The following STAU2 variants were observed in gnomAD, a reference collection of about 807,000 sequenced individuals.
The protein encoded by STAU2 is double-stranded RNA-binding protein Staufen homolog 2.
Under a neutral mutation model 65.9 loss-of-function variants are expected in STAU2, and 20 were observed. The ratio of observed to expected loss-of-function variants is 0.30; its 90% confidence interval spans 0.21 to 0.44. The LOEUF is 0.44. Among genes scored for constraint, STAU2 ranks in the 20% least tolerant of loss-of-function variants. The pLI is 1.00. For missense variants in STAU2, 558 were observed against 683.9 expected, an observed-to-expected ratio of 0.82 and a Z score of 2.05; for synonymous variants, 232 against 233.9, an observed-to-expected ratio of 0.99 and a Z score of 0.07.
chr8:73,729,916 G>A (rs1805926023), intron 3 of STAU2, among the ~76,000 whole-genome samples: 1 of 152,098 alleles, frequency 6.6e-6, no homozygotes, highest in Admixed American at 6.5e-5. Context: ...ATACCTATCT[G>A]TGTTTTTTCT....
intron 13 of STAU2, among the ~76,000 whole-genome samples, chr8:73,472,518 T>G (rs1357402840): frequency 1.3e-5 from 2 of 152,190 alleles, no homozygotes; most frequent in Non-Finnish European, 2.9e-5. Flanking sequence ...ATAAAAAAAT[T>G]GATAAACGAG....
At chr8:73,566,756 T>C (rs549932360) in intron 12 of STAU2, among the ~76,000 whole-genome samples, 1 of 152,192 alleles carries the variant, frequency 6.6e-6, no homozygotes, top group African/African-American at 2.4e-5. Context: ...AGGTTGGACA[T>C]TCTCCAACCT....
rs543510017 is a variant in STAU2, at chr8:73,421,180, A to C, written c.*192T>G. 23 of 538,108 alleles carry C rather than the reference A, an allele frequency of 4.3e-5. No homozygotes were observed. In the East Asian group the frequency reaches 7.1e-4, roughly 17 times the overall value. 33.3% of individuals were successfully genotyped at this position (538,108 alleles called of 1,614,324 possible). A position where few individuals can be genotyped will look rare whatever the true frequency, so the allele number is the denominator to read the frequency against. On this transcript the variant is annotated 3_prime_UTR_variant, in exon 15 of 15. Coordinates refer to ENST00000524300, the MANE Select transcript of STAU2 (RefSeq NM_001164380.2). ...TGATCTGATCTCGAGTTCCAAGGGA[A>C]ATGCTCAAAGTTTTATTTTTCCCCA...
chr8:73,441,300 G>A (rs1020825818), intron 13 of STAU2: 5 of 152,200 alleles, frequency 3.3e-5, no homozygotes, highest in African/African-American at 1.2e-4. Flanking sequence ...AGCACTTTGG[G>A]AGGCTGAGGC....
chr8:73,729,536 T>G (rs1030234819), intron 3 of STAU2, among the ~76,000 whole-genome samples: 12 of 152,156 alleles, frequency 7.9e-5, no homozygotes, highest in Non-Finnish European at 1.5e-5. Flanking sequence ...AAATATTTGG[T>G]AGAATCCACC....
chr8:73,717,925 A>AC (rs1821368586), intron 3 of STAU2, among the ~76,000 whole-genome samples: 5 of 152,212 alleles, frequency 3.3e-5, no homozygotes, highest in Non-Finnish European at 7.3e-5. Flanking sequence ...GCCTGCAAAG[A>AC]TTGAAATATA....
intron 13 of STAU2, among the ~76,000 whole-genome samples, chr8:73,454,639 C>T (rs768512950): frequency 6.6e-6 from 1 of 152,188 alleles, no homozygotes; most frequent in Non-Finnish European, 1.5e-5. Context: ...TCTTCTTCAA[C>T]ACAGAAATAG....
At chr8:73,687,896 A>T (rs1015471584) in intron 5 of STAU2, among the ~76,000 whole-genome samples, 1 of 151,206 alleles carries the variant, frequency 6.6e-6, no homozygotes, top group Non-Finnish European at 1.5e-5. Context: ...GTATTTTTTT[A>T]GTAGAGACAG....
intron 4 of STAU2, among the ~76,000 whole-genome samples, chr8:73,693,101 C>A (rs1461636212): frequency 2.0e-5 from 3 of 152,062 alleles, no homozygotes; most frequent in African/African-American, 4.8e-5. Flanking sequence ...ATGAACGCTG[C>A]AGTGAGCTAT....
At chr8:73,665,167 A>G (rs1262842852) in intron 6 of STAU2, among the ~76,000 whole-genome samples, 1 of 151,404 alleles carries the variant, frequency 6.6e-6, no homozygotes, top group Non-Finnish European at 1.5e-5. Context: ...TCTCCCAAAT[A>G]AAAAAAAATC....
chr8:73,641,859 T>C (rs898071810), intron 6 of STAU2, among the ~76,000 whole-genome samples: 1 of 152,230 alleles, frequency 6.6e-6, no homozygotes, highest in Admixed American at 6.5e-5. Context: ...TAGAATTCTG[T>C]GAGACTAATT....
chr8:73,714,406 T>C (rs1821104612), intron 3 of STAU2, among the ~76,000 whole-genome samples: 1 of 152,228 alleles, frequency 6.6e-6, no homozygotes, highest in Admixed American at 6.5e-5. Context: ...ATTTTCAAAT[T>C]AGACCCTAAC....
intron 4 of STAU2, among the ~76,000 whole-genome samples, chr8:73,704,880 G>T (rs1820394280): frequency 6.6e-6 from 1 of 152,094 alleles, no homozygotes; most frequent in Non-Finnish European, 1.5e-5. Context: ...TTTTGACCAG[G>T]ATGATCTCAA....
At position 73,579,400 on chromosome 8, in the gene STAU2, A is replaced by G. The variant is rs547002665; in HGVS notation, c.1222+3370T>C. Among the ~76,000 whole-genome samples, 3 of 152,338 alleles carry G rather than the reference A, an allele frequency of 2.0e-5. No individual in the cohort carries two copies. The East Asian group carries it at 5.8e-4, about 29-fold the overall frequency. On this transcript the variant is annotated intron_variant, in intron 12 of 14. Transcript: ENST00000524300. Reference sequence around the variant, plus strand: ...TTGAGCTTAGTCCAATCTTGAATTAAGCTACAGTTCACCTTCAAGAAACTA... The same window carrying G: ...TTGAGCTTAGTCCAATCTTGAATTAGGCTACAGTTCACCTTCAAGAAACTA...
At chr8:73,679,338 C>G (rs1818232357) in intron 5 of STAU2, among the ~76,000 whole-genome samples, 1 of 152,190 alleles carries the variant, frequency 6.6e-6, no homozygotes, top group African/African-American at 2.4e-5. Context: ...ACAGTGTAAA[C>G]TCTGCTCCAA....
chr8:73,743,503 A>C (rs1586399395), intron 1 of STAU2, among the ~76,000 whole-genome samples: 1 of 116,234 alleles, frequency 8.6e-6, no homozygotes, highest in Admixed American at 1.2e-4. Context: ...ACGGAGTTCC[A>C]CTCTTGCTGC....
chr8:73,550,390 T>C, intron 13 of STAU2: 2 of 984,686 alleles, frequency 2.0e-6, no homozygotes, highest in Non-Finnish European at 2.4e-6. Flanking sequence ...ATTTAAAAAA[T>C]TAAGACATTC....
intron 13 of STAU2, among the ~76,000 whole-genome samples, chr8:73,493,004 G>C (rs1452960386): frequency 6.6e-6 from 1 of 151,818 alleles, no homozygotes; most frequent in Admixed American, 6.6e-5. Flanking sequence ...CCCAGAAACA[G>C]ACCTACACTT....
At chr8:73,724,328 C>A (rs767058561) in intron 3 of STAU2, among the ~76,000 whole-genome samples, 2 of 152,062 alleles carry the variant, frequency 1.3e-5, no homozygotes, top group Non-Finnish European at 2.9e-5. Flanking sequence ...AGTCCCCATC[C>A]GTCCTTCTTA....
Sources: allele counts gnomAD v4.1 joint callset (sites outside exome capture counted in the v4.1 genomes callset), GRCh38; gene constraint gnomAD v4.1.1; transcripts MANE v1.5; gene names NCBI Gene and HGNC (gene_info 2026-07-23, HGNC 2026-07-21).